The following ELP4 variants were observed in gnomAD, a reference collection of about 807,000 sequenced individuals.
ELP4 encodes the protein elongator acetyltransferase complex subunit 4.
A neutral mutation model predicts 48.9 loss-of-function variants in ELP4; 51 were observed. The observed-to-expected ratio is 1.04, with a 90% CI of 0.83 to 1.32. The LOEUF (loss-of-function observed/expected upper bound fraction) is 1.32. Ranked by LOEUF, ELP4 falls within the 40% of genes most tolerant of loss-of-function variation. The probability of loss-of-function intolerance (pLI) is 0.00; values close to 1 mark genes in which losing one functional copy is unlikely to be tolerated. For synonymous variants in ELP4, 210 were observed against 189.2 expected (o/e 1.11, Z -0.90); for missense variants, 519 against 514.6 (o/e 1.01, Z -0.08).
chr11:31,644,670 A>G (rs1437578263), intron 7 of ELP4, among the ~76,000 whole-genome samples: 1 of 151,788 alleles, frequency 6.6e-6, no homozygotes, highest in African/African-American at 2.4e-5. Context: ...GCTTTTATCT[A>G]AAAGACCATT....
At chr11:31,722,549 A>G (rs1272640085) in intron 9 of ELP4, among the ~76,000 whole-genome samples, 1 of 152,210 alleles carries the variant, frequency 6.6e-6, no homozygotes, top group Non-Finnish European at 1.5e-5. Flanking sequence ...GAATGACTAC[A>G]TAGTTTTCAG....
intron 9 of ELP4, among the ~76,000 whole-genome samples, chr11:31,676,793 T>C (rs956017386): frequency 6.6e-6 from 1 of 152,190 alleles, no homozygotes; most frequent in Non-Finnish European, 1.5e-5. Context: ...ATCAAATGAA[T>C]GGCTAAGTTC....
intron 9 of ELP4, among the ~76,000 whole-genome samples, chr11:31,738,480 TC>T (rs1369592968): frequency 6.6e-6 from 1 of 151,610 alleles, no homozygotes; most frequent in Non-Finnish European, 1.5e-5. Flanking sequence ...ACGCCTATAA[TC>T]CCAGCACACT....
chr11:31,578,363 C>T (rs7952509), intron 3 of ELP4, among the ~76,000 whole-genome samples: 39,303 of 151,920 alleles, frequency 0.26, 5,241 homozygotes, highest in South Asian at 0.34. Flanking sequence ...GACTATACTG[C>T]CCAAGGTAAT....
intron 2 of ELP4, among the ~76,000 whole-genome samples, chr11:31,538,197 T>C (rs1956533653): frequency 6.6e-6 from 1 of 150,450 alleles, no homozygotes. Context: ...AGTATAGTAT[T>C]AGTATAGTAT....
intron 3 of ELP4, among the ~76,000 whole-genome samples, chr11:31,591,484 A>C (rs1216750556): frequency 6.6e-6 from 1 of 151,052 alleles, no homozygotes; most frequent in Non-Finnish European, 1.5e-5. Flanking sequence ...CAGATGGCCA[A>C]CCCAGCACAT....
chr11:31,636,446 C>A (rs1040522366), intron 7 of ELP4, among the ~76,000 whole-genome samples: 2 of 151,816 alleles, frequency 1.3e-5, no homozygotes, highest in Non-Finnish European at 2.9e-5. Flanking sequence ...ACCAGCCAAT[C>A]GGTGTTCTTA....
chr11:31,731,370 C>T (rs1001063566), intron 9 of ELP4, among the ~76,000 whole-genome samples: 1 of 152,052 alleles, frequency 6.6e-6, no homozygotes, highest in Admixed American at 6.5e-5. Flanking sequence ...TATAAAAGAA[C>T]CAAACAAAGT....
At chr11:31,623,390 T>TATATATATATATATATATATATAA (rs67986763) in intron 5 of ELP4, among the ~76,000 whole-genome samples, 7 of 92,582 alleles carry the variant, frequency 7.6e-5, no homozygotes, top group Admixed American at 2.4e-4. Context: ...TATATATATA[T>TATATATATATATATATATATATAA]AAAACTAGAA....
intron 9 of ELP4, among the ~76,000 whole-genome samples, chr11:31,692,323 A>G (rs904342496): frequency 3.9e-5 from 6 of 152,192 alleles, no homozygotes; most frequent in African/African-American, 7.2e-5. Context: ...GAAAGATACA[A>G]TATAACTAGC....
At chr11:31,625,997 A>G (rs1944735669) in intron 5 of ELP4, among the ~76,000 whole-genome samples, 1 of 151,836 alleles carries the variant, frequency 6.6e-6, no homozygotes, top group African/African-American at 2.4e-5. Context: ...CTGGAGCTGT[A>G]TTTGTTTTGT....
intron 9 of ELP4, among the ~76,000 whole-genome samples, chr11:31,762,407 A>G (rs931828178): frequency 6.6e-6 from 1 of 152,176 alleles, no homozygotes; most frequent in Non-Finnish European, 1.5e-5. Flanking sequence ...ATTTTATTCG[A>G]AAGAACTTGA....
chr11:31,648,398 A>T (rs1209638269), intron 8 of ELP4: 2 of 150,406 alleles, frequency 1.3e-5, no homozygotes, highest in African/African-American at 4.9e-5. Context: ...AGCAGAATTC[A>T]TCAGACTTTT....
At chr11:31,664,444 T>C (rs1274807219) in intron 9 of ELP4, 2 of 152,050 alleles carry the variant, frequency 1.3e-5, no homozygotes. Context: ...GGATATTTGG[T>C]TGGGGGGGGA....
intron 9 of ELP4, among the ~76,000 whole-genome samples, chr11:31,764,079 C>T (rs1947999396): frequency 6.6e-6 from 1 of 152,058 alleles, no homozygotes; most frequent in Non-Finnish European, 1.5e-5. Flanking sequence ...ATGTTCACTG[C>T]AGCTAAAACA....
At position 31,647,859 on chromosome 11, in the gene ELP4, A is replaced by C; in HGVS notation, c.1036+10A>C. On this transcript the variant is annotated intron_variant, in intron 8 of 9. Transcript: ENST00000640961. ...TATAAGGATTATCATGGTAAGTACA[A>C]CCTTCATAATGAGAAGAGCAGGAGC... 6.7e-7 allele frequency: 1 copy of C among 1,497,106 alleles called. No homozygotes were observed. Among genetic ancestry groups the C allele is most frequent in the East Asian group, 2.3e-5 (1 of 44,108 alleles). The allele number at this position is 1,497,106 out of a possible 1,614,324, so 92.7% of individuals were successfully genotyped here.
chr11:31,763,023 A>G (rs1044696186), intron 9 of ELP4, among the ~76,000 whole-genome samples: 12 of 151,980 alleles, frequency 7.9e-5, no homozygotes, highest in African/African-American at 2.9e-4. Flanking sequence ...ATAACAAAAG[A>G]TAAGTAAGCT....
At chr11:31,591,422 A>AGGGGGG (rs35637930) in intron 3 of ELP4, among the ~76,000 whole-genome samples, 1 of 76,566 alleles carries the variant, frequency 1.3e-5, no homozygotes, top group African/African-American at 6.4e-5. Flanking sequence ...AAAAAAAAAA[A>AGGGGGG]GGGGGGGGGG....
At chr11:31,698,854 A>C (rs957375791) in intron 9 of ELP4, among the ~76,000 whole-genome samples, 2 of 152,224 alleles carry the variant, frequency 1.3e-5, no homozygotes, top group African/African-American at 2.4e-5. Context: ...AGGCTAAAAG[A>C]GATTAACATC....
Sources: allele counts gnomAD v4.1 joint callset (sites outside exome capture counted in the v4.1 genomes callset), GRCh38; gene constraint gnomAD v4.1.1; transcripts MANE v1.5; gene names NCBI Gene and HGNC (gene_info 2026-07-23, HGNC 2026-07-21).